Variants in RTL4 observed in about 807,000 individuals in gnomAD.
RTL4 encodes retrotransposon Gag like 4.
In RTL4, 4 loss-of-function variants were observed where a neutral mutation model predicts 5.3. That is an observed-to-expected ratio of 0.75 (90% CI 0.37 to 1.72). The LOEUF (loss-of-function observed/expected upper bound fraction) is 1.72, where lower values mean the gene tolerates loss of function less well. RTL4 is among the 40% of genes most tolerant of loss of function. The pLI, the probability that RTL4 is intolerant of heterozygous loss-of-function variation, is 0.04. For synonymous variants in RTL4, 98 were observed against 87.3 expected (o/e 1.12, Z -0.68); for missense variants, 260 against 227.1 (o/e 1.14, Z -0.93).
At chrX:112,169,046 T>TTCTTTCTTTCTG in the RTL4 span, among the ~76,000 whole-genome samples, 61 of 33,659 alleles carry the variant, frequency 1.8e-3, no homozygotes, top group African/African-American at 5.0e-3. Flanking sequence ...CTTTCTTTCT[T>TTCTTTCTTTCTG]TCTTTCTTTC....
At chrX:112,104,483 A>C in the RTL4 span, among the ~76,000 whole-genome samples, 1 of 111,843 alleles carries the variant, frequency 8.9e-6, no homozygotes, top group East Asian at 2.8e-4. Flanking sequence ...ACTGTGTTTC[A>C]TAATGGCTAT....
chrX:112,189,254 G>A, the RTL4 span, among the ~76,000 whole-genome samples: 1 of 110,375 alleles, frequency 9.1e-6, no homozygotes, highest in Non-Finnish European at 1.9e-5. Flanking sequence ...AAGAGAAAAA[G>A]AAACCCTGAA....
At chrX:112,156,652 G>C in the RTL4 span, among the ~76,000 whole-genome samples, 4 of 112,076 alleles carry the variant, frequency 3.6e-5, no homozygotes, top group Non-Finnish European at 3.8e-5. Context: ...AGAGGCTGGA[G>C]TGGGTGGGGG....
At chrX:112,416,427 G>GT in the RTL4 span, among the ~76,000 whole-genome samples, 1 of 111,973 alleles carries the variant, frequency 8.9e-6, no homozygotes, top group African/African-American at 3.2e-5. Flanking sequence ...TAAAATTGTG[G>GT]TTTTCATTAC....
chrX:112,166,111 T>C, the RTL4 span, among the ~76,000 whole-genome samples: 1 of 112,001 alleles, frequency 8.9e-6, no homozygotes. Context: ...TGATTAGCAA[T>C]GGCGTAAGAA....
the RTL4 span, among the ~76,000 whole-genome samples, chrX:112,302,995 A>G: frequency 8.9e-6 from 1 of 111,981 alleles, no homozygotes; most frequent in Non-Finnish European, 1.9e-5. Flanking sequence ...TCTGGATAAA[A>G]CAGCATCTTG....
At chrX:112,160,797 T>A in the RTL4 span, among the ~76,000 whole-genome samples, 1 of 110,096 alleles carries the variant, frequency 9.1e-6, no homozygotes, top group African/African-American at 3.4e-5. Context: ...ATGTATGTTT[T>A]GTATGTTGGG....
the RTL4 span, among the ~76,000 whole-genome samples, chrX:112,350,964 G>A: frequency 7.2e-5 from 8 of 111,385 alleles, 1 homozygote; most frequent in South Asian, 3.8e-4. Context: ...ATGTTAGGGC[G>A]TCAATTTTGG....
At chrX:112,185,672 CTT>C in the RTL4 span, among the ~76,000 whole-genome samples, 2,771 of 108,025 alleles carry the variant, frequency 0.026, 58 homozygotes, top group African/African-American at 0.065. Context: ...CTCTTTCTCT[CTT>C]ATGCTAAACT....
At chrX:112,444,973 G>A in the RTL4 span, among the ~76,000 whole-genome samples, 1 of 111,503 alleles carries the variant, frequency 9.0e-6, no homozygotes, top group Non-Finnish European at 1.9e-5. Flanking sequence ...TTTTATTGAT[G>A]TTTTGTATTG....
the RTL4 span, among the ~76,000 whole-genome samples, chrX:112,358,486 C>A: frequency 1.0e-3 from 112 of 111,501 alleles, 1 homozygote; most frequent in African/African-American, 3.5e-3. Flanking sequence ...GAAAACACAT[C>A]TCTAATTAAT....
chrX:112,088,652 T>C, the RTL4 span, among the ~76,000 whole-genome samples: 2 of 112,252 alleles, frequency 1.8e-5, no homozygotes. Context: ...TCCATAGTGG[T>C]TGTACCATTT....
chrX:112,083,992 C>T, the RTL4 span, among the ~76,000 whole-genome samples: 1 of 111,175 alleles, frequency 9.0e-6, no homozygotes, highest in Non-Finnish European at 1.9e-5. Flanking sequence ...TTCTGGACGC[C>T]GGGCTGGTAC....
chrX:112,439,496 A>T, the RTL4 span, among the ~76,000 whole-genome samples: 1 of 111,545 alleles, frequency 9.0e-6, no homozygotes, highest in Non-Finnish European at 1.9e-5. Context: ...AAACAAGAGG[A>T]CTTTATGTTT....
chrX:112,237,228 CAAG>C, the RTL4 span, among the ~76,000 whole-genome samples: 3 of 111,998 alleles, frequency 2.7e-5, no homozygotes, highest in African/African-American at 9.7e-5. Flanking sequence ...TTAGGGGCAA[CAAG>C]AAGAAGTGCC....
At chrX:112,413,767 G>T in the RTL4 span, among the ~76,000 whole-genome samples, 2 of 110,591 alleles carry the variant, frequency 1.8e-5, no homozygotes, top group Non-Finnish European at 3.8e-5. Context: ...GAGTTACTAA[G>T]ATCTAGTGTT....
the RTL4 span, among the ~76,000 whole-genome samples, chrX:112,330,819 A>G: frequency 3.6e-5 from 4 of 111,424 alleles, no homozygotes; most frequent in African/African-American, 9.8e-5. Context: ...ATATAGATCA[A>G]TGGAACAGAA....
At chrX:112,167,185 G>T in the RTL4 span, among the ~76,000 whole-genome samples, 1 of 112,300 alleles carries the variant, frequency 8.9e-6, no homozygotes, top group Non-Finnish European at 1.9e-5. Flanking sequence ...GTTATGGTCA[G>T]TGACAAAAGG....
chrX:112,431,508 C>T, the RTL4 span, among the ~76,000 whole-genome samples: 46 of 110,771 alleles, frequency 4.2e-4, no homozygotes, highest in African/African-American at 1.5e-3. Context: ...AATTACAATT[C>T]AGGTTTTCCT....
Sources: allele counts gnomAD v4.1 joint callset (sites outside exome capture counted in the v4.1 genomes callset), GRCh38; gene constraint gnomAD v4.1.1; transcripts MANE v1.5; gene names NCBI Gene and HGNC (gene_info 2026-07-23, HGNC 2026-07-21).